The following DTNA variants were observed in gnomAD, a reference collection of about 807,000 sequenced individuals.
DTNA encodes the protein dystrobrevin alpha, also known as dystrophin-related protein 3.
Under a neutral mutation model 100.7 loss-of-function variants are expected in DTNA, and 43 were observed. The observed-to-expected ratio is 0.43, with a 90% CI of 0.33 to 0.55. DTNA has a LOEUF of 0.55. DTNA is among the 20% of genes least tolerant of loss of function. The pLI, the probability that DTNA is intolerant of heterozygous loss-of-function variation, is 0.04. For missense variants in DTNA, 798 were observed against 953.9 expected, an observed-to-expected ratio of 0.84 and a Z score of 2.15; for synonymous variants, 349 against 347.9, an observed-to-expected ratio of 1.00 and a Z score of -0.04.
intron 1 of DTNA, among the ~76,000 whole-genome samples, chr18:34,500,516 C>T (rs1013903469): frequency 8.6e-5 from 13 of 150,910 alleles, no homozygotes; most frequent in African/African-American, 2.4e-4. Context: ...CAGGCTGGAG[C>T]GCAATAGCAC....
At chr18:34,830,741 G>A (rs933795513) in intron 11 of DTNA, among the ~76,000 whole-genome samples, 1 of 152,188 alleles carries the variant, frequency 6.6e-6, no homozygotes, top group African/African-American at 2.4e-5. Flanking sequence ...AAGTTAGGTA[G>A]AATGTGGGTC....
At chr18:34,565,278 T>G (rs1272635417) in intron 1 of DTNA, among the ~76,000 whole-genome samples, 1 of 152,216 alleles carries the variant, frequency 6.6e-6, no homozygotes, top group Non-Finnish European at 1.5e-5. Context: ...CAAGTATCAG[T>G]TATTAAAAAT....
At chr18:34,738,146 A>G (rs2089988088) in intron 1 of DTNA, among the ~76,000 whole-genome samples, 1 of 152,178 alleles carries the variant, frequency 6.6e-6, no homozygotes, top group African/African-American at 2.4e-5. Flanking sequence ...ATGAGTGAAC[A>G]CAGAGACATG....
intron 17 of DTNA, chr18:34,866,228 T>C: frequency 6.2e-7 from 1 of 1,611,672 alleles, no homozygotes; most frequent in Non-Finnish European, 8.5e-7. Context: ...ATGTTCATGC[T>C]TCAGTTTGGA....
chr18:34,809,608 A>T (rs2095441306), intron 5 of DTNA, among the ~76,000 whole-genome samples: 1 of 152,202 alleles, frequency 6.6e-6, no homozygotes, highest in South Asian at 2.1e-4. Flanking sequence ...ATTCACGTTA[A>T]GCCAAAATGC....
At chr18:34,587,765 A>G (rs2049286977) in intron 1 of DTNA, among the ~76,000 whole-genome samples, 1 of 152,182 alleles carries the variant, frequency 6.6e-6, no homozygotes, top group Non-Finnish European at 1.5e-5. Flanking sequence ...CTAATTATTA[A>G]AAAGGCTAAT....
At chr18:34,842,860 GTTAGCTCA>G (rs2096295484) in intron 13 of DTNA, among the ~76,000 whole-genome samples, 3 of 152,242 alleles carry the variant, frequency 2.0e-5, no homozygotes, top group South Asian at 4.1e-4. Flanking sequence ...TGTTTGGCTG[GTTAGCTCA>G]TTGGTTGGTT....
chr18:34,870,452 G>T (rs925708380), intron 17 of DTNA, among the ~76,000 whole-genome samples: 88 of 152,184 alleles, frequency 5.8e-4, no homozygotes, highest in African/African-American at 1.7e-3. Context: ...GAGGGAGAGG[G>T]ATAATTCACC....
At chr18:34,817,298 G>T (rs1462180078) in intron 7 of DTNA, among the ~76,000 whole-genome samples, 5 of 152,120 alleles carry the variant, frequency 3.3e-5, no homozygotes, top group Non-Finnish European at 4.4e-5. Context: ...TATTTTCATT[G>T]TTTTTCCTGA....
intron 1 of DTNA, among the ~76,000 whole-genome samples, chr18:34,557,173 T>C (rs1217529516): frequency 2.0e-5 from 3 of 149,612 alleles, no homozygotes; most frequent in African/African-American, 7.5e-5. Flanking sequence ...CTCCTGAGGC[T>C]TCTGCATTCT....
At chr18:34,768,902 T>G (rs1184567983) in intron 3 of DTNA, among the ~76,000 whole-genome samples, 2 of 152,188 alleles carry the variant, frequency 1.3e-5, no homozygotes, top group Non-Finnish European at 2.9e-5. Flanking sequence ...GATAGAAATA[T>G]GTACATGGTA....
At chr18:34,569,547 A>AT (rs2047388432) in intron 1 of DTNA, among the ~76,000 whole-genome samples, 1 of 152,186 alleles carries the variant, frequency 6.6e-6, no homozygotes, top group Non-Finnish European at 1.5e-5. Context: ...TCTAACTCAA[A>AT]TGCATACTGC....
chr18:34,652,474 A>G (rs1344519753), intron 1 of DTNA, among the ~76,000 whole-genome samples: 1 of 152,120 alleles, frequency 6.6e-6, no homozygotes, highest in Non-Finnish European at 1.5e-5. Context: ...CTTGACTGGA[A>G]TGTTCTTCCT....
intron 1 of DTNA, among the ~76,000 whole-genome samples, chr18:34,606,949 T>A (rs2053247365): frequency 1.3e-5 from 2 of 152,158 alleles, no homozygotes; most frequent in Admixed American, 1.3e-4. Context: ...GGAGGTTTAG[T>A]GCTTCGAAAT....
At chr18:34,755,897 G>A in intron 1 of DTNA, 79 bp from the exon 2 acceptor site, 5 of 1,252,914 alleles carry the variant, frequency 4.0e-6, no homozygotes, top group South Asian at 3.7e-5. Flanking sequence ...CACAAGTACA[G>A]CAAGTACGTT....
At chr18:34,587,188 C>T (rs12961031) in intron 1 of DTNA, among the ~76,000 whole-genome samples, 2 of 151,342 alleles carry the variant, frequency 1.3e-5, no homozygotes, top group Non-Finnish European at 2.9e-5. Context: ...CTATATTGCA[C>T]TGGCTAAAAA....
At position 34,533,826 on chromosome 18, in the gene DTNA, A is replaced by T. The variant is rs1349142707; in HGVS notation, c.-2+40312A>T. Among the ~76,000 whole-genome samples the T allele has an allele frequency of 2.6e-5, 4 of 152,136 alleles. No individual in the cohort carries two copies. The East Asian group carries it at 5.8e-4, about 22-fold the overall frequency. ...TTGATTGAAGCATTCTATGGTACAG[A>T]TGGAAATCTTATGACAATCGTTCTA... On this transcript the variant is annotated intron_variant, in intron 1 of 19. Transcript: ENST00000283365.
chr18:34,562,951 C>G lies in DTNA; in HGVS notation c.-2+69437C>G, dbSNP rs2046768887. Reference sequence around the variant, plus strand: ...AGGTACTGTACCTTTGGACAAATTGCAAATTAGGAAAAGTTGTCCCTGAAA... The same window carrying G: ...AGGTACTGTACCTTTGGACAAATTGGAAATTAGGAAAAGTTGTCCCTGAAA... On this transcript the variant is annotated intron_variant, in intron 1 of 19. Transcript: ENST00000283365. Among the ~76,000 whole-genome samples, 3 of 152,240 alleles carry G rather than the reference C, an allele frequency of 2.0e-5. No homozygotes were observed. In the South Asian group the frequency reaches 6.2e-4, roughly 32 times the overall value.
At chr18:34,858,235 TC>T (rs1385290874) in intron 15 of DTNA, 49 bp from the exon 16 acceptor site, 1 of 1,557,866 alleles carries the variant, frequency 6.4e-7, no homozygotes, top group East Asian at 2.2e-5. Context: ...GATGTTAGTT[TC>T]CTGAAAGCTA....
Sources: allele counts gnomAD v4.1 joint callset (sites outside exome capture counted in the v4.1 genomes callset), GRCh38; gene constraint gnomAD v4.1.1; transcripts MANE v1.5; gene names NCBI Gene and HGNC (gene_info 2026-07-23, HGNC 2026-07-21).